Variants in TRIO observed in about 807,000 individuals in gnomAD.
The protein encoded by TRIO is trio Rho guanine nucleotide exchange factor.
Under a neutral mutation model 351.9 loss-of-function variants are expected in TRIO, and 58 were observed. That is an observed-to-expected ratio of 0.16 (90% CI 0.13 to 0.21). TRIO has a LOEUF of 0.21. Among genes scored for constraint, TRIO ranks in the 10% least tolerant of loss-of-function variants. The probability of loss-of-function intolerance (pLI) is 1.00; values close to 1 mark genes in which losing one functional copy is unlikely to be tolerated. For missense variants in TRIO, 3,201 were observed against 4,027.8 expected (o/e 0.79, Z 5.56); for synonymous variants, 1,758 against 1,595.7 (o/e 1.10, Z -2.42).
At chr5:14,416,784 C>T (rs1749680235) in intron 33 of TRIO, among the ~76,000 whole-genome samples, 1 of 151,656 alleles carries the variant, frequency 6.6e-6, no homozygotes, top group African/African-American at 2.4e-5. Flanking sequence ...TTTGAGCCGT[C>T]TGGAAAATTA....
Position 14,487,759 on chromosome 5 carries a change from T to C in TRIO, c.7131T>C (p.Pro2377=), listed in dbSNP as rs762813571. Residue 2377 remains proline, a synonymous_variant, in exon 48 of 57, where the codon CCT becomes CCC. Transcript: ENST00000344204. Reference sequence around the variant, plus strand: ...CGTCCACCCCCGGGCCCTCCCTGCCTCCCCCTGGCGCGGCCCCCGAGGCCG... The same window carrying C: ...CGTCCACCCCCGGGCCCTCCCTGCCCCCCCCTGGCGCGGCCCCCGAGGCCG... The part of the protein sequence containing the change: ...SGTSTPGPSL[P]PPGAAPEAGP... 4 of 1,375,946 alleles carry C rather than the reference T, an allele frequency of 2.9e-6. No individual in the cohort carries two copies. The highest frequency in any genetic ancestry group is 6.1e-5 in the Admixed American group (2 of 32,608). The allele number at this position is 1,375,946 out of a possible 1,614,324, so 85.2% of individuals were successfully genotyped here.
intron 23 of TRIO, among the ~76,000 whole-genome samples, chr5:14,388,153 T>C (rs574878972): frequency 2.0e-5 from 3 of 152,340 alleles, no homozygotes; most frequent in South Asian, 4.1e-4. Flanking sequence ...AAAACAAATT[T>C]AGTTGTGTAA....
chr5:14,291,481 G>A lies in TRIO; in HGVS notation c.1053+253G>A, dbSNP rs75905830. ...TTGGTCTAGGATGCCTGTAAGATAGGAATGATATTTTCACTTAAAAGAGTG... is the reference window on the plus strand; with the variant it reads ...TTGGTCTAGGATGCCTGTAAGATAGAAATGATATTTTCACTTAAAAGAGTG... On this transcript the variant is annotated intron_variant, in intron 5 of 56. Coordinates refer to ENST00000344204, the MANE Select transcript of TRIO (RefSeq NM_007118.4). Among the ~76,000 whole-genome samples the A allele has an allele frequency of 0.078, 11,788 of 151,612 alleles. 520 individuals carry two copies. Among genetic ancestry groups the A allele is most frequent in the African/African-American group, 0.086 (3,537 of 41,320 alleles).
At chr5:14,294,023 T>TA (rs1491033394) in intron 6 of TRIO, among the ~76,000 whole-genome samples, 1 of 18,780 alleles carries the variant, frequency 5.3e-5, no homozygotes, top group African/African-American at 9.7e-5. Flanking sequence ...AAAAAAAAAA[T>TA]AATAATTAAA....
intron 1 of TRIO, among the ~76,000 whole-genome samples, chr5:14,178,441 A>G (rs1370419959): frequency 3.9e-5 from 6 of 152,222 alleles, no homozygotes; most frequent in Non-Finnish European, 8.8e-5. Flanking sequence ...CCTGCCTGGT[A>G]TTAGAAAGGT....
rs371170524 is a variant in TRIO, at chr5:14,461,062, C to T, written c.5247C>T (p.Ser1749=). Residue 1749 remains serine, a synonymous_variant, in exon 35 of 57, where the codon TCC becomes TCT. Transcript: ENST00000344204. ...GCAATGACGCCAGTCCACCCGCATC[C>T]GTGGCTTCCCTCCAGCCCCACATGA... ...VSSNDASPPA[S]VASLQPHMIG... is the part of the protein sequence containing the mutation. The T allele has an allele frequency of 2.5e-6, 4 of 1,580,330 alleles. No homozygotes were observed. Among genetic ancestry groups the T allele is most frequent in the Non-Finnish European group, 3.4e-6 (4 of 1,163,876 alleles).
At chr5:14,490,740 ATAGT>A (rs1332062966) in intron 48 of TRIO, 9 of 453,318 alleles carry the variant, frequency 2.0e-5, no homozygotes, top group East Asian at 7.0e-5. Context: ...GAAAATACTA[ATAGT>A]TAGGATTGTA....
rs150410447 is a variant in TRIO at position 14,384,367 on chromosome 5, G to A, written c.3571-3071G>A. On this transcript the variant is annotated intron_variant, in intron 21 of 56. Coordinates refer to ENST00000344204, the MANE Select transcript of TRIO (RefSeq NM_007118.4). ...AAAATGATGAGCAAAGCTCTCTTGAGCTTGTGGACTTAAGACTTCAATTTG... is the reference window on the plus strand; with the variant it reads ...AAAATGATGAGCAAAGCTCTCTTGAACTTGTGGACTTAAGACTTCAATTTG... 8.9e-4 allele frequency among the ~76,000 whole-genome samples: 135 copies of A among 152,332 alleles called. 1 individual carries two copies. The highest frequency in any genetic ancestry group is 3.1e-3 in the African/African-American group (128 of 41,580).
chr5:14,374,189 A>G (rs758823226), intron 18 of TRIO, 40 bp from the exon 19 acceptor site: 3 of 1,537,654 alleles, frequency 2.0e-6, no homozygotes, highest in South Asian at 2.3e-5. Context: ...ACGTTTGTAG[A>G]AGTCAAATTA....
intron 1 of TRIO, among the ~76,000 whole-genome samples, chr5:14,239,286 A>T (rs1793985638): frequency 6.6e-6 from 1 of 151,690 alleles, no homozygotes; most frequent in African/African-American, 2.4e-5. Flanking sequence ...CCCCATTCTT[A>T]GTTCTTATGT....
chr5:14,358,220 G>T lies in TRIO; in HGVS notation c.2089G>T (p.Asp697Tyr). 6.2e-7 allele frequency: 1 copy of T among 1,613,988 alleles called. No homozygotes were observed. The highest frequency in any genetic ancestry group is 8.5e-7 in the Non-Finnish European group (1 of 1,179,846). ...LEELQKELLD[D>Y]VYAESVEAVQ... ...GGAGCTGCAGAAGGAGCTGCTGGAC[G>T]ACGTGTATGCCGAGTCGGTGGAGGC... The change falls in exon 12 of 57, where the codon GAC (aspartate) becomes TAC (tyrosine). Residue 697 changes from aspartate (D) to tyrosine (Y), a missense_variant. Physicochemically the swap from Asp to Tyr is radical, Grantham distance 160. This residue lies in a region of TRIO where 363 missense variants were observed against 553.5 expected (regional missense o/e 0.66). Coordinates refer to ENST00000344204, the MANE Select transcript of TRIO (RefSeq NM_007118.4).
At chr5:14,337,775 G>C (rs947043601) in intron 11 of TRIO, among the ~76,000 whole-genome samples, 1 of 152,164 alleles carries the variant, frequency 6.6e-6, no homozygotes, top group African/African-American at 2.4e-5. Flanking sequence ...TTGGACTGCA[G>C]GCTTCCCTCT....
intron 1 of TRIO, among the ~76,000 whole-genome samples, chr5:14,168,223 T>A (rs1788890863): frequency 6.6e-6 from 1 of 152,224 alleles, no homozygotes; most frequent in Admixed American, 6.5e-5. Flanking sequence ...ATGCTCTCAC[T>A]GATTTCATGG....
intron 1 of TRIO, among the ~76,000 whole-genome samples, chr5:14,183,020 T>C (rs548612661): frequency 6.6e-6 from 1 of 152,296 alleles, no homozygotes; most frequent in East Asian, 1.9e-4. Flanking sequence ...TCCGCAGGCC[T>C]CTGGGCAGCA....
At chr5:14,237,156 G>A (rs354288) in intron 1 of TRIO, among the ~76,000 whole-genome samples, 123,464 of 152,140 alleles carry the variant, frequency 0.81, 50,247 homozygotes, top group East Asian at 0.98. Context: ...TGAATTTCCG[G>A]TTTTTCTTTT....
At chr5:14,463,033 T>G (rs758974244) in intron 36 of TRIO, 108 bp downstream of exon 36, 7 of 1,368,804 alleles carry the variant, frequency 5.1e-6, no homozygotes, top group Non-Finnish European at 6.7e-6. Flanking sequence ...GGCCCCAAGA[T>G]GTGGAAAAGG....
chr5:14,406,788 CGTGCCAGGAGTG>C (rs1412347274), intron 33 of TRIO, 116 bp downstream of exon 33: 2 of 1,029,308 alleles, frequency 1.9e-6, no homozygotes, highest in Admixed American at 2.0e-5. Flanking sequence ...GCAGTTGATA[CGTGCCAGGAGTG>C]GTGCCAGGAT....
chr5:14,417,222 A>C (rs1749722264), intron 33 of TRIO, among the ~76,000 whole-genome samples: 1 of 152,166 alleles, frequency 6.6e-6, no homozygotes, highest in South Asian at 2.1e-4. Context: ...TCCACGGAGA[A>C]GTTTGTAAGA....
At chr5:14,483,884 C>T (rs1253129175) in intron 46 of TRIO, among the ~76,000 whole-genome samples, 3 of 152,172 alleles carry the variant, frequency 2.0e-5, no homozygotes, top group Non-Finnish European at 2.9e-5. Context: ...ATCCCCTGGA[C>T]GGCAGCCATC....
Sources: gnomAD v4.1 joint callset for allele counts (sites outside exome capture counted in the v4.1 genomes callset) on GRCh38, gnomAD v4.1.1 for gene constraint, gnomAD v4.1.1 regional missense constraint, MANE v1.5 for transcripts, NCBI Gene and HGNC (gene_info 2026-07-23, HGNC 2026-07-21) for gene names.